Variants in SMYD3 observed in about 807,000 individuals in gnomAD.
SMYD3 encodes SET and MYND domain containing 3, also known as histone-lysine N-methyltransferase SMYD3.
SMYD3 carries 36 observed loss-of-function variants against 57.7 expected under a neutral mutation model. The observed-to-expected ratio is 0.62, with a 90% CI of 0.48 to 0.82. The LOEUF is 0.82. SMYD3 is among the 40% of genes least tolerant of loss of function. The pLI is 0.00. For missense variants in SMYD3, 515 were observed against 538.8 expected (o/e 0.96, Z 0.44); for synonymous variants, 211 against 195.0 (o/e 1.08, Z -0.68).
At chr1:245,870,493 G>A (rs1439449087) in intron 8 of SMYD3, among the ~76,000 whole-genome samples, 1 of 152,118 alleles carries the variant, frequency 6.6e-6, no homozygotes, top group African/African-American at 2.4e-5. Flanking sequence ...TTGGCCCAGA[G>A]GTCCCTCGCT....
At chr1:246,337,743 T>C (rs759924425) in intron 2 of SMYD3, among the ~76,000 whole-genome samples, 19 of 152,182 alleles carry the variant, frequency 1.2e-4, no homozygotes, top group Non-Finnish European at 4.4e-5. Flanking sequence ...CAGATTTTAA[T>C]CAATGCTCAT....
chr1:245,974,442 C>G (rs1430129740), intron 5 of SMYD3, among the ~76,000 whole-genome samples: 1 of 152,286 alleles, frequency 6.6e-6, no homozygotes, highest in East Asian at 1.9e-4. Flanking sequence ...TTCCCATCTC[C>G]TACATCTCCT....
chr1:246,277,479 A>G (rs12132887), intron 5 of SMYD3, among the ~76,000 whole-genome samples: 2 of 152,122 alleles, frequency 1.3e-5, no homozygotes, highest in African/African-American at 2.4e-5. Context: ...ACCACCACCA[A>G]CAACAACAAC....
intron 5 of SMYD3, among the ~76,000 whole-genome samples, chr1:245,959,685 C>T (rs1350162499): frequency 1.3e-5 from 2 of 152,168 alleles, no homozygotes; most frequent in East Asian, 3.8e-4. Flanking sequence ...TGCTGTCTTC[C>T]CTGTTTGATG....
chr1:246,438,068 G>A (rs1202246534), intron 1 of SMYD3, among the ~76,000 whole-genome samples: 1 of 56,340 alleles, frequency 1.8e-5, no homozygotes, highest in Non-Finnish European at 5.9e-5. Flanking sequence ...TCAAATAGAG[G>A]GGGGAAAAAC....
intron 8 of SMYD3, among the ~76,000 whole-genome samples, chr1:245,870,858 C>T (rs974494891): frequency 1.3e-5 from 2 of 152,184 alleles, no homozygotes; most frequent in African/African-American, 4.8e-5. Context: ...TCCAGACCCA[C>T]CTTGCAGCTC....
At chr1:245,881,415 A>T (rs2052771445) in intron 8 of SMYD3, among the ~76,000 whole-genome samples, 1 of 152,216 alleles carries the variant, frequency 6.6e-6, no homozygotes, top group Admixed American at 6.5e-5. Context: ...GGGCAAGAAT[A>T]TCCCTTCCTG....
intron 10 of SMYD3, among the ~76,000 whole-genome samples, chr1:245,813,005 CTTT>C (rs770448717): frequency 0.018 from 1,376 of 75,300 alleles, 8 homozygotes; most frequent in African/African-American, 0.067. Flanking sequence ...GAGACAGCTT[CTTT>C]TTTTTTTTTT....
At chr1:246,216,870 G>A (rs1387701895) in intron 5 of SMYD3, among the ~76,000 whole-genome samples, 1 of 152,026 alleles carries the variant, frequency 6.6e-6, no homozygotes, top group Non-Finnish European at 1.5e-5. Context: ...TCCCCTTGAC[G>A]GAGACGTGGG....
intron 5 of SMYD3, among the ~76,000 whole-genome samples, chr1:246,190,584 C>CAAAAAA (rs11302731): frequency 3.2e-5 from 2 of 63,022 alleles, no homozygotes; most frequent in Non-Finnish European, 2.8e-5. Flanking sequence ...GACTCTGTCT[C>CAAAAAA]AAAAAAAAAA....
intron 5 of SMYD3, among the ~76,000 whole-genome samples, chr1:246,320,147 T>A (rs71533476): frequency 0.14 from 21,188 of 148,748 alleles, 1,967 homozygotes; most frequent in East Asian, 0.39. Flanking sequence ...TTCTCCAATT[T>A]AAAAAAAAAA....
intron 10 of SMYD3, among the ~76,000 whole-genome samples, chr1:245,774,397 G>T (rs2046456668): frequency 6.6e-6 from 1 of 152,142 alleles, no homozygotes; most frequent in South Asian, 2.1e-4. Flanking sequence ...AGTGGAAGCT[G>T]AAAGAAAGCC....
intron 10 of SMYD3, among the ~76,000 whole-genome samples, chr1:245,780,651 T>C (rs970088553): frequency 6.6e-6 from 1 of 152,236 alleles, no homozygotes; most frequent in Admixed American, 6.5e-5. Flanking sequence ...AAAAACCCAC[T>C]GAAATGTACA....
intron 5 of SMYD3, among the ~76,000 whole-genome samples, chr1:246,159,635 C>T (rs1275345513): frequency 2.0e-5 from 3 of 152,080 alleles, no homozygotes; most frequent in Non-Finnish European, 4.4e-5. Flanking sequence ...TAAGCCATGT[C>T]TGCTGAAGCA....
intron 5 of SMYD3, among the ~76,000 whole-genome samples, chr1:246,089,420 A>G (rs1450659721): frequency 2.6e-5 from 4 of 152,206 alleles, no homozygotes; most frequent in African/African-American, 9.6e-5. Context: ...TTTCCTAAGA[A>G]CTATTTTAAT....
chr1:246,010,061 A>G (rs2059254818), intron 5 of SMYD3, among the ~76,000 whole-genome samples: 1 of 136,814 alleles, frequency 7.3e-6, no homozygotes, highest in South Asian at 2.6e-4. Context: ...ACTGCACTCC[A>G]GCCTGTGCAA....
intron 5 of SMYD3, among the ~76,000 whole-genome samples, chr1:246,313,128 A>G (rs1227986494): frequency 2.0e-5 from 3 of 151,716 alleles, no homozygotes; most frequent in Non-Finnish European, 2.9e-5. Flanking sequence ...CTGGTCTCCA[A>G]CTCCTGAGCT....
intron 5 of SMYD3, among the ~76,000 whole-genome samples, chr1:245,966,949 C>G (rs1210541353): frequency 6.6e-6 from 1 of 152,180 alleles, no homozygotes; most frequent in Non-Finnish European, 1.5e-5. Context: ...TGCTTCTCAT[C>G]GATATCCACC....
intron 8 of SMYD3, among the ~76,000 whole-genome samples, chr1:245,912,850 T>A (rs1006721414): frequency 1.3e-5 from 2 of 151,988 alleles, no homozygotes; most frequent in Non-Finnish European, 2.9e-5. Context: ...CACAGAAAAA[T>A]CAACCAAAAT....
Sources: gnomAD v4.1 joint callset for allele counts (sites outside exome capture counted in the v4.1 genomes callset) on GRCh38, gnomAD v4.1.1 for gene constraint, MANE v1.5 for transcripts, NCBI Gene and HGNC (gene_info 2026-07-23, HGNC 2026-07-21) for gene names.